The following TRMT11 variants were observed in gnomAD, a reference collection of about 807,000 sequenced individuals.
The protein encoded by TRMT11 is tRNA methyltransferase 11, also known as tRNA (guanine(10)-N(2))-methyltransferase TRMT11.
A neutral mutation model predicts 62.8 loss-of-function variants in TRMT11; 53 were observed. The observed-to-expected ratio is 0.84, with a 90% CI of 0.68 to 1.06. The LOEUF (loss-of-function observed/expected upper bound fraction) is 1.06. TRMT11 is among the 50% of genes least tolerant of loss of function. The pLI is 0.00. For missense variants in TRMT11, 556 were observed against 553.4 expected (o/e 1.00, Z -0.05); for synonymous variants, 188 against 190.3 (o/e 0.99, Z 0.10).
At chr6:126,246,562 C>T in the TRMT11 span, among the ~76,000 whole-genome samples, 8 of 151,988 alleles carry the variant, frequency 5.3e-5, no homozygotes, top group African/African-American at 1.9e-4. Context: ...ACGGAAGTGA[C>T]TGAAAACCCT....
the TRMT11 span, among the ~76,000 whole-genome samples, chr6:126,211,678 G>A: frequency 6.6e-6 from 1 of 151,498 alleles, no homozygotes; most frequent in Non-Finnish European, 1.5e-5. Context: ...GTGTATATAT[G>A]TATAGAGTAC....
chr6:125,996,580 T>C (rs2128753600), intron 3 of TRMT11, among the ~76,000 whole-genome samples: 1 of 152,296 alleles, frequency 6.6e-6, no homozygotes, highest in East Asian at 1.9e-4. Context: ...ATCCACTTTT[T>C]TTTTCTTTTC....
At chr6:126,022,051 GTTTTTTTTT>G (rs10581882) in intron 12 of TRMT11, among the ~76,000 whole-genome samples, 11 of 52,288 alleles carry the variant, frequency 2.1e-4, no homozygotes, top group African/African-American at 7.3e-4. Flanking sequence ...TTTTTCCTTA[GTTTTTTTTT>G]TTTTTTTTTT....
intron 17 of TRMT11, among the ~76,000 whole-genome samples, chr6:126,103,818 A>G (rs1184425111): frequency 1.3e-5 from 2 of 152,216 alleles, no homozygotes; most frequent in East Asian, 3.8e-4. Flanking sequence ...AGTCTTACAT[A>G]ACATAATGTC....
intron 17 of TRMT11, among the ~76,000 whole-genome samples, chr6:126,107,720 C>T (rs533967877): frequency 2.0e-5 from 3 of 152,102 alleles, no homozygotes; most frequent in African/African-American, 4.8e-5. Context: ...GCCCGTGGCT[C>T]GAAGCCCAAT....
intron 17 of TRMT11, among the ~76,000 whole-genome samples, chr6:126,069,003 CTTTATAAT>C (rs1359181657): frequency 6.6e-6 from 1 of 152,214 alleles, no homozygotes; most frequent in African/African-American, 2.4e-5. Flanking sequence ...GCCATCTGCT[CTTTATAAT>C]TTAGGGTACC....
chr6:126,013,619 A>C lies in TRMT11; in HGVS notation c.1139+518A>C, dbSNP rs569627756. On this transcript the variant is annotated intron_variant, in intron 11 of 12. Transcript: ENST00000334379. ...TGTTATTTTATATCAGGGGTTGGCAAACCACGGCCTATGGGCCAGATATGG... is the reference window on the plus strand; with the variant it reads ...TGTTATTTTATATCAGGGGTTGGCACACCACGGCCTATGGGCCAGATATGG... Among the ~76,000 whole-genome samples, 22 of 152,290 alleles carry C rather than the reference A, an allele frequency of 1.4e-4. No individual in the cohort carries two copies. In the South Asian group the frequency reaches 4.6e-3, roughly 32 times the overall value.
chr6:126,216,777 A>G, the TRMT11 span, among the ~76,000 whole-genome samples: 3 of 152,044 alleles, frequency 2.0e-5, no homozygotes, highest in African/African-American at 7.2e-5. Context: ...GAATATTGAT[A>G]TCTATCTCTA....
Position 126,093,612 on chromosome 6 carries a change from TATATATATATATA to T in TRMT11, c.*1438-19253_*1438-19241del, listed in dbSNP as rs1181880004. On this transcript the variant is annotated intron_variant and NMD_transcript_variant, in intron 17 of 22. Coordinates refer to the TRMT11 transcript ENST00000648977. ...ATATATATATATATATATATATATA[TATATATATATATA>T]TATATATTTTCCCCCAGTCCTGGAG... 4.7e-4 allele frequency among the ~76,000 whole-genome samples: 44 copies of T among 93,948 alleles called. 2 individuals are homozygous for T. The East Asian group carries it at 5.4e-3, about 11-fold the overall frequency. 61.6% of individuals were successfully genotyped at this position (93,948 alleles called of 152,430 possible).
chr6:126,240,924 C>A, the TRMT11 span, among the ~76,000 whole-genome samples: 1 of 152,358 alleles, frequency 6.6e-6, no homozygotes, highest in African/African-American at 2.4e-5. Context: ...ACCCCTCCCC[C>A]AGCCTCGCTG....
At chr6:126,016,861 A>G (rs1343414737) in intron 11 of TRMT11, among the ~76,000 whole-genome samples, 4 of 152,158 alleles carry the variant, frequency 2.6e-5, no homozygotes, top group Admixed American at 6.5e-5. Flanking sequence ...TTAGACCTCA[A>G]TTGTGTCTTC....
chr6:126,013,903 C>G (rs1794628521), intron 11 of TRMT11, among the ~76,000 whole-genome samples: 1 of 152,162 alleles, frequency 6.6e-6, no homozygotes. Context: ...TTTTCAACAG[C>G]TTAGCTAAAG....
chr6:126,156,659 G>T (rs995788568), intron 21 of TRMT11, among the ~76,000 whole-genome samples: 1 of 152,186 alleles, frequency 6.6e-6, no homozygotes, highest in South Asian at 2.1e-4. Context: ...CTTCTGGTGA[G>T]GGCCGTCATG....
chr6:126,000,118 A>G (rs193188456), intron 7 of TRMT11, among the ~76,000 whole-genome samples: 18 of 152,266 alleles, frequency 1.2e-4, no homozygotes, highest in Non-Finnish European at 2.5e-4. Flanking sequence ...GAAAAGTGTC[A>G]AAGTATCAAT....
chr6:126,007,940 A>G (rs1425822805), intron 7 of TRMT11, among the ~76,000 whole-genome samples: 1 of 152,046 alleles, frequency 6.6e-6, no homozygotes, highest in Non-Finnish European at 1.5e-5. Flanking sequence ...CTAATGTCTC[A>G]CATAGTAATT....
At chr6:126,257,969 C>T in the TRMT11 span, 6 of 1,563,778 alleles carry the variant, frequency 3.8e-6, no homozygotes, top group Admixed American at 1.0e-4. Context: ...GGATCTTGTC[C>T]AGCAGGTCAG....
intron 21 of TRMT11, among the ~76,000 whole-genome samples, chr6:126,164,156 A>C (rs1458364295): frequency 6.6e-6 from 1 of 152,178 alleles, no homozygotes; most frequent in Non-Finnish European, 1.5e-5. Context: ...TGCATCCCAG[A>C]GATTCTGGCA....
At chr6:126,167,496 CA>C (rs930019033) in intron 21 of TRMT11, among the ~76,000 whole-genome samples, 12 of 152,174 alleles carry the variant, frequency 7.9e-5, no homozygotes, top group Admixed American at 7.9e-4. Flanking sequence ...ATTGGAAATG[CA>C]GAAATCACCT....
chr6:126,260,992 A>G, the TRMT11 span, among the ~76,000 whole-genome samples: 1 of 152,206 alleles, frequency 6.6e-6, no homozygotes, highest in Admixed American at 6.5e-5. Flanking sequence ...GGAAGTTTTC[A>G]GCTATTATTT....
Sources: allele counts gnomAD v4.1 joint callset (sites outside exome capture counted in the v4.1 genomes callset), GRCh38; gene constraint gnomAD v4.1.1; transcripts MANE v1.5; gene names NCBI Gene and HGNC (gene_info 2026-07-23, HGNC 2026-07-21).